RIMBP2: variants seen among roughly 807,000 people sequenced by gnomAD.
RIMBP2 encodes RIMS-binding protein 2.
A neutral mutation model predicts 118.6 loss-of-function variants in RIMBP2; 48 were observed. The ratio of observed to expected loss-of-function variants is 0.40; its 90% CI spans 0.32 to 0.51. The LOEUF (loss-of-function observed/expected upper bound fraction) is 0.51, where lower values mean the gene tolerates loss of function less well. RIMBP2 is among the 20% of genes least tolerant of loss of function. The probability of loss-of-function intolerance (pLI) is 0.41; values close to 1 mark genes in which losing one functional copy is unlikely to be tolerated. For synonymous variants in RIMBP2, 762 were observed against 742.9 expected (o/e 1.03, Z -0.42); for missense variants, 1,551 against 1,768.3 (o/e 0.88, Z 2.20).
At position 130,438,456 on chromosome 12, in the gene RIMBP2, C is replaced by T. The variant is rs753060605; in HGVS notation, c.1565G>A (p.Arg522Gln). ...CAGCACAGGTGGTCTCCAGGAGACC[C>T]GGATGGTGGCGGGGGTCACCCCAGC... ...VQAGVTPATI[R>Q]VSWRPPVLTP... The change falls in exon 12 of 23, where the codon CGG becomes CAG. Residue 522 changes from arginine to glutamine, a missense_variant. Arg to Gln is a conservative substitution (Grantham distance 43, BLOSUM62 1). Coordinates refer to ENST00000690449, the MANE Select transcript of RIMBP2 (RefSeq NM_001393629.1). The T allele has an allele frequency of 6.4e-5, 104 of 1,612,996 alleles. No individual in the cohort carries two copies. The highest frequency in any genetic ancestry group is 2.8e-4 in the Admixed American group (17 of 59,940).
chr12:130,705,530 AC>A (rs1439591659), intron 1 of RIMBP2, among the ~76,000 whole-genome samples: 1 of 152,170 alleles, frequency 6.6e-6, no homozygotes, highest in Admixed American at 6.5e-5. Flanking sequence ...ACAGGAGCCC[AC>A]GTGGTTCCCT....
At position 130,622,482 on chromosome 12, in the gene RIMBP2, A is replaced by G. The variant is rs560085554; in HGVS notation, c.-217+5840T>C. ...CGTATAATTCTCTACTATTTTTCATATATTTATATATAATATATATTTGAT... is the reference window on the plus strand; with the variant it reads ...CGTATAATTCTCTACTATTTTTCATGTATTTATATATAATATATATTTGAT... On this transcript the variant is annotated intron_variant, in intron 2 of 22. Transcript: ENST00000690449. The surrounding 1 kb of genome is among the most constrained non-coding windows in gnomAD (Gnocchi z 8.5). 2.3e-3 allele frequency among the ~76,000 whole-genome samples: 356 copies of G among 151,946 alleles called. 2 individuals carry two copies. The highest frequency in any genetic ancestry group is 3.8e-3 in the Non-Finnish European group (260 of 67,970).
At chr12:130,548,248 A>G (rs1002806259) in intron 2 of RIMBP2, among the ~76,000 whole-genome samples, 1 of 152,142 alleles carries the variant, frequency 6.6e-6, no homozygotes, top group African/African-American at 2.4e-5. Context: ...CACAGAGACA[A>G]AGCAAACTGA....
intron 2 of RIMBP2, among the ~76,000 whole-genome samples, chr12:130,619,287 C>T (rs554294798): frequency 2.6e-5 from 4 of 152,334 alleles, no homozygotes; most frequent in South Asian, 2.1e-4. Flanking sequence ...CAAACGCACA[C>T]GATTTCAGGC....
intron 1 of RIMBP2, among the ~76,000 whole-genome samples, chr12:130,633,373 C>G (rs2140977408): frequency 6.6e-6 from 1 of 152,236 alleles, no homozygotes; most frequent in Middle Eastern, 3.4e-3. Flanking sequence ...ACTAGCAAAA[C>G]CAAACTGTTC....
intron 6 of RIMBP2, among the ~76,000 whole-genome samples, chr12:130,458,719 C>T (rs2079678274): frequency 9.2e-6 from 1 of 108,934 alleles, no homozygotes; most frequent in East Asian, 3.3e-4. Flanking sequence ...ACTGGCACAC[C>T]CATTCCCTAA....
At chr12:130,695,202 G>C (rs1040890300) in intron 1 of RIMBP2, among the ~76,000 whole-genome samples, 13 of 152,142 alleles carry the variant, frequency 8.5e-5, no homozygotes, top group African/African-American at 3.1e-4. Context: ...GCCTTCCCTG[G>C]TCATGACAAG....
intron 1 of RIMBP2, among the ~76,000 whole-genome samples, chr12:130,647,569 C>G (rs1346124335): frequency 2.1e-5 from 3 of 144,820 alleles, no homozygotes; most frequent in African/African-American, 4.9e-5. Context: ...GCTCTGAGCA[C>G]CAGTCTTTGT....
Position 130,447,145 on chromosome 12 carries a change from C to G in RIMBP2, c.582-1876G>C, listed in dbSNP as rs1192869049. On this transcript the variant is annotated intron_variant, in intron 9 of 22. Coordinates refer to ENST00000690449, the MANE Select transcript of RIMBP2 (RefSeq NM_001393629.1). The surrounding 1 kb of genome is among the most constrained non-coding windows in gnomAD (Gnocchi z 4.4). ...GCCACGCCTTCAGGAGTGCCCACACCTGACGCTCAGGAAGAGAAGCTTCCC... is the reference window on the plus strand; with the variant it reads ...GCCACGCCTTCAGGAGTGCCCACACGTGACGCTCAGGAAGAGAAGCTTCCC... 1.3e-5 allele frequency among the ~76,000 whole-genome samples: 2 copies of G among 151,780 alleles called. No homozygotes were observed. The highest frequency in any genetic ancestry group is 4.8e-5 in the African/African-American group (2 of 41,316).
chr12:130,437,962 G>A (rs1272819861), intron 12 of RIMBP2, among the ~76,000 whole-genome samples: 3 of 152,228 alleles, frequency 2.0e-5, no homozygotes, highest in Non-Finnish European at 4.4e-5. Context: ...ATTTCTTGGA[G>A]TCAAGGCCTG....
intron 2 of RIMBP2, among the ~76,000 whole-genome samples, chr12:130,556,674 G>C (rs909766884): frequency 6.6e-6 from 1 of 152,212 alleles, no homozygotes; most frequent in African/African-American, 2.4e-5. Flanking sequence ...ATGGAGACGG[G>C]GGAGGCTCCC....
intron 6 of RIMBP2, among the ~76,000 whole-genome samples, chr12:130,457,958 G>A (rs955732327): frequency 2.1e-4 from 32 of 152,262 alleles, no homozygotes; most frequent in Non-Finnish European, 1.2e-4. Context: ...TGGGGCTGAC[G>A]ACACTGACGT....
intron 1 of RIMBP2, among the ~76,000 whole-genome samples, chr12:130,678,566 G>A (rs1341127791): frequency 3.3e-5 from 5 of 152,110 alleles, no homozygotes; most frequent in African/African-American, 4.8e-5. Flanking sequence ...TGCCCAGGCT[G>A]GAGCGCAGTG....
At chr12:130,601,370 C>T (rs1313918480) in intron 2 of RIMBP2, among the ~76,000 whole-genome samples, 3 of 140,248 alleles carry the variant, frequency 2.1e-5, no homozygotes, top group African/African-American at 5.2e-5. Flanking sequence ...AGCAAACCGG[C>T]TGGTGAATGT....
intron 2 of RIMBP2, among the ~76,000 whole-genome samples, chr12:130,550,789 G>A (rs1593761415): frequency 6.6e-6 from 1 of 152,334 alleles, no homozygotes; most frequent in South Asian, 2.1e-4. Context: ...AGACACAAAA[G>A]GTAATCTCTG....
chr12:130,406,975 G>A (rs995488443), intron 20 of RIMBP2, among the ~76,000 whole-genome samples: 8 of 152,240 alleles, frequency 5.3e-5, no homozygotes, highest in Admixed American at 2.6e-4. Flanking sequence ...ACGATGGGCC[G>A]GGCTGCAGCC....
intron 4 of RIMBP2, among the ~76,000 whole-genome samples, chr12:130,482,681 AC>A (rs1425096549): frequency 1.3e-5 from 2 of 152,202 alleles, no homozygotes; most frequent in East Asian, 3.8e-4. Context: ...GCAAAACAAA[AC>A]CAGCTCTCTT....
At chr12:130,676,618 G>C (rs1266966301) in intron 1 of RIMBP2, among the ~76,000 whole-genome samples, 1 of 149,922 alleles carries the variant, frequency 6.7e-6, no homozygotes, top group Non-Finnish European at 1.5e-5. Flanking sequence ...GCGAGAGTCT[G>C]TCTCAAAAAA....
intron 2 of RIMBP2, among the ~76,000 whole-genome samples, chr12:130,522,986 C>T (rs1055168883): frequency 5.3e-5 from 8 of 152,054 alleles, no homozygotes; most frequent in Admixed American, 2.0e-4. Context: ...CTCACTCTGC[C>T]TCGGTTTTAG....
Sources: gnomAD v4.1 joint callset for allele counts (sites outside exome capture counted in the v4.1 genomes callset) on GRCh38, gnomAD v4.1.1 for gene constraint, Gnocchi (gnomAD v3.1) non-coding constraint, MANE v1.5 for transcripts, NCBI Gene and HGNC (gene_info 2026-07-23, HGNC 2026-07-21) for gene names.